GLI1: variants seen among roughly 807,000 people sequenced by gnomAD.
GLI1 encodes transcription activator GLI1.
A neutral mutation model predicts 87.8 loss-of-function variants in GLI1; 51 were observed. That is an observed-to-expected ratio of 0.58 (90% confidence interval 0.46 to 0.73). GLI1 has a LOEUF of 0.73. Among genes scored for constraint, GLI1 ranks in the 30% least tolerant of loss-of-function variants. The pLI, the probability that GLI1 is intolerant of heterozygous loss-of-function variation, is 0.00. For synonymous variants in GLI1, 528 were observed against 558.2 expected, an observed-to-expected ratio of 0.95 and a Z score of 0.76; for missense variants, 1,292 against 1,437.2, an observed-to-expected ratio of 0.90 and a Z score of 1.63.
At chr12:57,467,693 CA>C (rs1433572040) in intron 9 of GLI1, among the ~76,000 whole-genome samples, 196 bp downstream of exon 9, 7 of 152,142 alleles carry the variant, frequency 4.6e-5, no homozygotes, top group Non-Finnish European at 1.0e-4. Context: ...AACCTCTAAC[CA>C]GCCAAAAGGC....
rs2139855574 is a variant in GLI1 at position 57,466,220 on chromosome 12, C to T, written c.763-20C>T. On this transcript the variant is annotated intron_variant, in intron 7 of 11. Coordinates refer to ENST00000228682, the MANE Select transcript of GLI1 (RefSeq NM_005269.3). ...GGGTCATGGGAGAGCCTTGGAGAGCCTTTGTATCTTCTCCCTCAGCACATC... is the reference window on the plus strand; with the variant it reads ...GGGTCATGGGAGAGCCTTGGAGAGCTTTTGTATCTTCTCCCTCAGCACATC... 2 of 1,606,700 alleles carry T rather than the reference C, an allele frequency of 1.2e-6. No individual in the cohort carries two copies. Among genetic ancestry groups the T allele is most frequent in the Non-Finnish European group, 1.7e-6 (2 of 1,175,398 alleles).
At chr12:57,464,226 G>T (rs1871325759) in intron 3 of GLI1, 135 bp downstream of exon 3, 3 of 702,558 alleles carry the variant, frequency 4.3e-6, no homozygotes, top group Admixed American at 4.4e-5. Flanking sequence ...CCATCAAGAA[G>T]TCACAGATGG....
At position 57,464,745 on chromosome 12, in the gene GLI1, C is replaced by A; in HGVS notation, c.266C>A (p.Ser89Ter). 1 of 1,613,864 alleles carries A rather than the reference C, an allele frequency of 6.2e-7. No homozygotes were observed. The highest frequency in any genetic ancestry group is 8.5e-7 in the Non-Finnish European group (1 of 1,179,768). Reference protein sequence around the residue: ...KKRALSISPLSDASLDLQTVI... With the variant: ...KKRALSISPL ...CGGGCACTGTCCATCTCACCTCTGT[C>A]GGATGCCAGCCTGGACCTGCAGACG... is the stretch of plus-strand genomic sequence containing the variant. Residue 89 changes from serine to a stop codon, truncating the protein, a stop_gained, in exon 4 of 12, where the codon TCG becomes TAG. Transcript: ENST00000228682. LOFTEE classifies it high-confidence loss of function.
In GLI1 at chr12:57,471,795, C is replaced by A. The variant is rs776855654; in HGVS notation, c.3055C>A (p.Leu1019Ile). ...CTGTGGTCATCCTGAGGTGGGCAGGCTAGGAGGGGGTCCTGCCTTGTACCC... is the reference window on the plus strand; with the variant it reads ...CTGTGGTCATCCTGAGGTGGGCAGGATAGGAGGGGGTCCTGCCTTGTACCC... ...PSCGHPEVGR[L>I]GGGPALYPPP... Residue 1019 changes from leucine (L) to isoleucine (I), a missense_variant, in exon 12 of 12, where the codon CTA becomes ATA. By Grantham distance (5) the Leu-to-Ile change is conservative. Transcript: ENST00000228682. This position sits in a 1 kb window ranked among gnomAD's most constrained non-coding sequence, Gnocchi z 4.9. 4.5e-6 allele frequency: 7 copies of A among 1,563,330 alleles called. No individual in the cohort carries two copies. The Admixed American group carries it at 9.2e-5, about 21-fold the overall frequency.
intron 10 of GLI1, among the ~76,000 whole-genome samples, chr12:57,468,855 C>A (rs756369601): frequency 6.6e-6 from 1 of 152,078 alleles, no homozygotes; most frequent in African/African-American, 2.4e-5. Context: ...CCCAGGTTCA[C>A]GCCATTCTGC....
At chr12:57,465,390 G>T (rs1871408743) in intron 5 of GLI1, 135 bp downstream of exon 5, 1 of 836,626 alleles carries the variant, frequency 1.2e-6, no homozygotes, top group Non-Finnish European at 1.9e-6. Context: ...TGTGGGTGCT[G>T]GGGTTCACTC....
chr12:57,463,420 G>T (rs1217855483), intron 1 of GLI1, among the ~76,000 whole-genome samples: 1 of 152,156 alleles, frequency 6.6e-6, no homozygotes, highest in Non-Finnish European at 1.5e-5. Flanking sequence ...GTTTCACCAT[G>T]TTGGCCAGGC....
Position 57,463,753 on chromosome 12 carries a change from C to T in GLI1, c.62C>T (p.Pro21Leu). The T allele has an allele frequency of 6.2e-7, 1 of 1,610,800 alleles. No homozygotes were observed. Among genetic ancestry groups the T allele is most frequent in the Non-Finnish European group, 8.5e-7 (1 of 1,179,070 alleles). The change falls in exon 2 of 12, where the codon CCC becomes CTC. Residue 21 changes from proline (P) to leucine (L), a missense_variant. This residue lies in a region of GLI1 where 383 missense variants were observed against 368.4 expected (regional missense o/e 1.04). Coordinates refer to ENST00000228682, the MANE Select transcript of GLI1 (RefSeq NM_005269.3). ...TATGGCGAGCCCTGCTGTCTCCGGC[C>T]CCTCCCCAGTCAGGGGGCCCCCAGT... ...SSYGEPCCLR[P>L]LPSQGAPSVG... is the part of the protein sequence containing the mutation.
chr12:57,470,226 A>C, intron 11 of GLI1, 91 bp from the exon 12 acceptor site: 1 of 963,728 alleles, frequency 1.0e-6, no homozygotes, highest in Non-Finnish European at 1.6e-6. Context: ...CTTACCCCTG[A>C]GAATCCAGGG....
intron 11 of GLI1, among the ~76,000 whole-genome samples, 165 bp downstream of exon 11, chr12:57,469,863 T>G (rs1177897908): frequency 6.6e-6 from 1 of 152,136 alleles, no homozygotes; most frequent in Non-Finnish European, 1.5e-5. Context: ...AGTTGTGATG[T>G]ACAAACATGC....
rs1488805012 is a variant in GLI1, at chr12:57,467,564, GA to G, written c.1077+70del. ...ACCTACCAGGGAGATTCCCCCATAA[GA>G]AATCCCTTAGCCCAGCACCCACTCC... On this transcript the variant is annotated intron_variant, in intron 9 of 11. Transcript: ENST00000228682. 2.2e-6 allele frequency: 3 copies of G among 1,348,676 alleles called. No individual in the cohort carries two copies. The African/African-American group carries it at 4.4e-5, about 20-fold the overall frequency. 83.5% of individuals were successfully genotyped at this position (1,348,676 alleles called of 1,614,324 possible). A position where few individuals can be genotyped will look rare whatever the true frequency, so the allele number is the denominator to read the frequency against.
intron 4 of GLI1, 66 bp downstream of exon 4, chr12:57,464,934 C>T (rs1253299844): frequency 5.4e-6 from 7 of 1,304,312 alleles, no homozygotes; most frequent in Non-Finnish European, 7.7e-6. Flanking sequence ...AGTCTCAAGC[C>T]CTCAAACTAC....
chr12:57,466,345 G>A lies in GLI1; in HGVS notation c.868G>A (p.Val290Ile). ...CTTCAAAGCCCAGTACATGCTGGTG[G>A]TTCACATGCGCAGACACACTGGCGA... ...RPFKAQYMLV[V>I]HMRRHTGEKP... The change falls in exon 8 of 12, where the codon GTT (valine) becomes ATT (isoleucine). Residue 290 changes from valine (V) to isoleucine (I), a missense_variant. Coordinates refer to ENST00000228682, the MANE Select transcript of GLI1 (RefSeq NM_005269.3). The A allele has an allele frequency of 6.2e-7, 1 of 1,614,072 alleles. No individual in the cohort carries two copies. Among genetic ancestry groups the A allele is most frequent in the Non-Finnish European group, 8.5e-7 (1 of 1,179,970 alleles).
Position 57,470,326 on chromosome 12 carries a change from T to G in GLI1, c.1586T>G (p.Val529Gly). The G allele has an allele frequency of 6.4e-7, 1 of 1,560,326 alleles. No homozygotes were observed. Among genetic ancestry groups the G allele is most frequent in the African/African-American group, 1.4e-5 (1 of 73,532 alleles). Residue 529 changes from valine to glycine, a missense_variant, in exon 12 of 12, where the codon GTG becomes GGG. By Grantham distance (109) the Val-to-Gly change is moderately radical. This residue lies in a region of GLI1 where 897 missense variants were observed against 1,040.7 expected (regional missense o/e 0.86). Coordinates refer to ENST00000228682, the MANE Select transcript of GLI1 (RefSeq NM_005269.3). ...LPSLSHTGTT[V>G]SRRVGPPVSL... ...TCCCCATCACTTGCAGGTACCACTG[T>G]GTCCCGCCGCGTGGGCCCCCCAGTC...
At chr12:57,468,359 A>C in intron 10 of GLI1, 135 bp downstream of exon 10, 5 of 624,444 alleles carry the variant, frequency 8.0e-6, no homozygotes, top group Non-Finnish European at 1.4e-5. Context: ...CTCTTGTCTT[A>C]GTGTTGCTCT....
Position 57,471,006 on chromosome 12 carries a change from G to A in GLI1, c.2266G>A (p.Gly756Ser). 6.2e-7 allele frequency: 1 copy of A among 1,610,672 alleles called. No individual in the cohort carries two copies. The change falls in exon 12 of 12, where the codon GGT (glycine) becomes AGT (serine). Residue 756 changes from glycine (G) to serine (S), a missense_variant. Around this residue, in one of 3 missense-constraint regions of GLI1, gnomAD observed 897 missense variants for 1,040.7 expected, o/e 0.86. Transcript: ENST00000228682. The surrounding 1 kb of genome is among the most constrained non-coding windows in gnomAD (Gnocchi z 4.9). ...RGPGSLPLGP[G>S]PPTNYGPNPC... The stretch of plus-strand genomic sequence containing the variant: ...TCCAGGCTCTCTGCCTCTTGGGCCT[G>A]GTCCACCCACCAACTATGGCCCCAA...
At chr12:57,467,271 G>T (rs909758972) in intron 8 of GLI1, 62 bp from the exon 9 acceptor site, 13 of 1,356,408 alleles carry the variant, frequency 9.6e-6, no homozygotes, top group Admixed American at 6.0e-5. Flanking sequence ...GAGATTGAGG[G>T]TTCCTTCCAT....
At chr12:57,464,115 T>C in intron 3 of GLI1, 24 bp downstream of exon 3, 1 of 1,415,858 alleles carries the variant, frequency 7.1e-7, no homozygotes, top group Non-Finnish European at 1.0e-6. Context: ...CAACACCTCT[T>C]CCCTTTCTGC....
At position 57,467,961 on chromosome 12, in the gene GLI1, G is replaced by A. The variant is rs763198974; in HGVS notation, c.1078-33G>A. 2.2e-5 allele frequency: 33 copies of A among 1,478,676 alleles called. No individual in the cohort carries two copies. The East Asian group carries it at 2.7e-4, about 12-fold the overall frequency. 91.6% of individuals were successfully genotyped at this position (1,478,676 alleles called of 1,614,324 possible). ...CTTCTGCATTCTTCCGCTTTGATCCGTTTGCCTTCTGTCTCCACTCTCCAC... is the reference window on the plus strand; with the variant it reads ...CTTCTGCATTCTTCCGCTTTGATCCATTTGCCTTCTGTCTCCACTCTCCAC... On this transcript the variant is annotated intron_variant, in intron 9 of 11. Transcript: ENST00000228682.
Sources: allele counts gnomAD v4.1 joint callset (sites outside exome capture counted in the v4.1 genomes callset), GRCh38; gene constraint gnomAD v4.1.1; regional missense constraint gnomAD v4.1.1; non-coding constraint Gnocchi (gnomAD v3.1); transcripts MANE v1.5; gene names NCBI Gene and HGNC (gene_info 2026-07-23, HGNC 2026-07-21).